FARS2: variants seen among roughly 807,000 people sequenced by gnomAD.
FARS2 encodes the protein phenylalanyl-tRNA synthetase 2, mitochondrial.
In FARS2, 40 loss-of-function variants were observed where a neutral mutation model predicts 46.4. The observed-to-expected ratio is 0.86, with a 90% CI of 0.67 to 1.12. FARS2 has a LOEUF of 1.12. Ranked by LOEUF, FARS2 falls within the 50% of genes most tolerant of loss-of-function variation. The pLI, the probability that FARS2 is intolerant of heterozygous loss-of-function variation, is 0.00. For missense variants in FARS2, 513 were observed against 567.9 expected (o/e 0.90, Z 0.98); for synonymous variants, 234 against 214.9 (o/e 1.09, Z -0.78).
At chr6:5,517,221 A>G (rs1768859039) in intron 4 of FARS2, among the ~76,000 whole-genome samples, 1 of 152,354 alleles carries the variant, frequency 6.6e-6, no homozygotes, top group East Asian at 1.9e-4. Flanking sequence ...GCATTTTATT[A>G]GTGCTAGAGC....
At chr6:5,581,418 C>A (rs1773320457) in intron 5 of FARS2, among the ~76,000 whole-genome samples, 1 of 152,176 alleles carries the variant, frequency 6.6e-6, no homozygotes, top group Non-Finnish European at 1.5e-5. Flanking sequence ...AAAACAAAGT[C>A]TGTCATATGT....
At chr6:5,341,678 C>G (rs1771668763) in intron 1 of FARS2, among the ~76,000 whole-genome samples, 1 of 151,740 alleles carries the variant, frequency 6.6e-6, no homozygotes, top group African/African-American at 2.4e-5. Context: ...ACCATCACAC[C>G]CGGCTAATTT....
At chr6:5,442,678 T>A (rs1031562331) in intron 4 of FARS2, among the ~76,000 whole-genome samples, 2 of 152,194 alleles carry the variant, frequency 1.3e-5, no homozygotes, top group African/African-American at 4.8e-5. Context: ...TTCTGTCAGA[T>A]TTAGTCCCAC....
intron 6 of FARS2, among the ~76,000 whole-genome samples, chr6:5,618,508 C>T (rs114831809): frequency 0.013 from 1,933 of 152,260 alleles, 40 homozygotes; most frequent in African/African-American, 0.043. Context: ...TCGTTAGACA[C>T]GTTGCATGTT....
intron 5 of FARS2, among the ~76,000 whole-genome samples, chr6:5,552,956 T>C (rs963007147): frequency 1.1e-4 from 17 of 152,246 alleles, no homozygotes; most frequent in Non-Finnish European, 2.2e-4. Flanking sequence ...TAATTTATAC[T>C]TTGTTTTTTA....
chr6:5,510,470 C>T (rs1230671114), intron 4 of FARS2, among the ~76,000 whole-genome samples: 1 of 152,226 alleles, frequency 6.6e-6, no homozygotes, highest in Non-Finnish European at 1.5e-5. Flanking sequence ...CCGCCGCAGC[C>T]TGGCCTGTCT....
intron 6 of FARS2, among the ~76,000 whole-genome samples, chr6:5,733,321 G>A (rs1362835598): frequency 6.6e-6 from 1 of 152,172 alleles, no homozygotes; most frequent in Non-Finnish European, 1.5e-5. Context: ...ATGGGATTTC[G>A]TTTTCAACAG....
chr6:5,405,480 C>CTTTTTTTTTT (rs398000284), intron 3 of FARS2, among the ~76,000 whole-genome samples: 1,223 of 58,944 alleles, frequency 0.021, 219 homozygotes, highest in Non-Finnish European at 0.025. Flanking sequence ...GAGCAAGGTT[C>CTTTTTTTTTT]TTTTTTTTTT....
chr6:5,730,906 TGGAACACAGCAA>T (rs1194146855), intron 6 of FARS2, among the ~76,000 whole-genome samples: 1 of 152,198 alleles, frequency 6.6e-6, no homozygotes, highest in Non-Finnish European at 1.5e-5. Flanking sequence ...ATGAGGCAAC[TGGAACACAGCAA>T]GGTTGAGTAA....
intron 3 of FARS2, among the ~76,000 whole-genome samples, chr6:5,413,060 G>A (rs1326437952): frequency 6.6e-6 from 1 of 152,144 alleles, no homozygotes; most frequent in Non-Finnish European, 1.5e-5. Context: ...GTGGAGAGAG[G>A]CCTAAGACAC....
chr6:5,730,003 C>T lies in FARS2; in HGVS notation c.1218-41288C>T, dbSNP rs181876679. ...TGTGACAACCACAAATATCTTCAGC[C>T]GTTGTGCAGTGCCCTCTAGGGAGCA... On this transcript the variant is annotated intron_variant, in intron 6 of 6. Transcript: ENST00000274680. Among the ~76,000 whole-genome samples the T allele has an allele frequency of 3.3e-5, 5 of 152,320 alleles. No homozygotes were observed. In the East Asian group the frequency reaches 9.6e-4, roughly 29 times the overall value.
At chr6:5,546,523 T>C (rs749346786) in intron 5 of FARS2, among the ~76,000 whole-genome samples, 23 of 151,934 alleles carry the variant, frequency 1.5e-4, no homozygotes, top group Admixed American at 1.4e-3. Context: ...GTGCTGGGAT[T>C]ACAGGAGTGA....
intron 5 of FARS2, among the ~76,000 whole-genome samples, chr6:5,565,765 C>T (rs2150548318): frequency 6.6e-6 from 1 of 152,198 alleles, no homozygotes; most frequent in Non-Finnish European, 1.5e-5. Flanking sequence ...GTTTCAGGGG[C>T]CTTCTGAACT....
At chr6:5,590,781 G>A (rs1465739333) in intron 5 of FARS2, among the ~76,000 whole-genome samples, 1 of 152,150 alleles carries the variant, frequency 6.6e-6, no homozygotes, top group Non-Finnish European at 1.5e-5. Context: ...GGCCTATCAT[G>A]TCTTATGTTA....
intron 1 of FARS2, among the ~76,000 whole-genome samples, chr6:5,351,903 C>G (rs1344544944): frequency 6.6e-6 from 1 of 152,090 alleles, no homozygotes; most frequent in Non-Finnish European, 1.5e-5. Context: ...CTTGTTCTGC[C>G]GTATTGTGTT....
At chr6:5,459,531 T>C (rs1227654547) in intron 4 of FARS2, among the ~76,000 whole-genome samples, 1 of 152,138 alleles carries the variant, frequency 6.6e-6, no homozygotes, top group African/African-American at 2.4e-5. Context: ...TGGAATGTGC[T>C]CCGGTTGCCT....
At chr6:5,524,605 C>T (rs890159829) in intron 4 of FARS2, among the ~76,000 whole-genome samples, 4 of 152,214 alleles carry the variant, frequency 2.6e-5, no homozygotes, top group East Asian at 1.9e-4. Context: ...CCTTCCTTTG[C>T]ACCAGGTCCT....
the FARS2 span, among the ~76,000 whole-genome samples, chr6:5,250,823 TAA>T: frequency 6.6e-6 from 1 of 152,248 alleles, no homozygotes; most frequent in African/African-American, 2.4e-5. Flanking sequence ...TATGGTATAA[TAA>T]AAGAGTGAAA....
intron 1 of FARS2, among the ~76,000 whole-genome samples, chr6:5,268,449 A>G (rs1765705846): frequency 6.6e-6 from 1 of 152,192 alleles, no homozygotes; most frequent in Non-Finnish European, 1.5e-5. Context: ...AGCACCATTT[A>G]TTAAATAGGG....
Sources: allele counts gnomAD v4.1 joint callset (sites outside exome capture counted in the v4.1 genomes callset), GRCh38; gene constraint gnomAD v4.1.1; transcripts MANE v1.5; gene names NCBI Gene and HGNC (gene_info 2026-07-23, HGNC 2026-07-21).